Variants in LRP12 observed in about 807,000 individuals in gnomAD.
LRP12 encodes the protein LDL receptor related protein 12.
In LRP12, 14 loss-of-function variants were observed where a neutral mutation model predicts 66.0. The observed-to-expected ratio is 0.21, with a 90% CI of 0.14 to 0.33. The LOEUF is 0.33. LRP12 is among the 10% of genes least tolerant of loss of function. The probability of loss-of-function intolerance (pLI) is 1.00; values close to 1 mark genes in which losing one functional copy is unlikely to be tolerated. For synonymous variants in LRP12, 357 were observed against 359.1 expected, an observed-to-expected ratio of 0.99 and a Z score of 0.07; for missense variants, 889 against 1,053.4, an observed-to-expected ratio of 0.84 and a Z score of 2.16.
Position 104,490,802 on chromosome 8 carries a change from T to C in LRP12, c.2451A>G (p.Val817=), listed in dbSNP as rs765995723. The C allele has an allele frequency of 6.2e-7, 1 of 1,614,158 alleles. No homozygotes were observed. The highest frequency in any genetic ancestry group is 2.2e-5 in the East Asian group (1 of 44,882). The stretch of plus-strand genomic sequence containing the variant: ...AGGGGCCATCTCGATTACTTGGCCT[T>C]ACTCCAGGATTTGTTGCATTATATG... The part of the protein sequence containing the change: ...RQPYNATNPG[V]RPSNRDGPCE... The change falls in exon 7 of 7, where the codon GTA becomes GTG. Residue 817 remains valine (V), a synonymous_variant. Transcript: ENST00000276654.
chr8:104,555,501 T>C (rs1040947832), intron 1 of LRP12, among the ~76,000 whole-genome samples: 1 of 152,042 alleles, frequency 6.6e-6, no homozygotes, highest in African/African-American at 2.4e-5. Flanking sequence ...GCTATTCTTA[T>C]ATCAGACAAC....
At position 104,544,695 on chromosome 8, in the gene LRP12, C is replaced by G. The variant is rs561667254; in HGVS notation, c.80-12732G>C. Among the ~76,000 whole-genome samples the G allele has an allele frequency of 1.5e-4, 23 of 152,228 alleles. No individual in the cohort carries two copies. The South Asian group carries it at 4.8e-3, about 32-fold the overall frequency. ...AAACATCTGTTTACAGCATTGTTTA[C>G]TGAATATTTTAAGCCCACTCTTGAG... is the stretch of plus-strand genomic sequence containing the variant. On this transcript the variant is annotated intron_variant, in intron 1 of 6. Transcript: ENST00000276654.
chr8:104,510,624 C>T lies in LRP12; in HGVS notation c.137-1550G>A, dbSNP rs973854701. 6.6e-5 allele frequency among the ~76,000 whole-genome samples: 10 copies of T among 152,236 alleles called. No individual in the cohort carries two copies. In the South Asian group the frequency reaches 8.3e-4, roughly 13 times the overall value. ...AAATTCTAGAACGTCTTATTTAATA[C>T]AATTTCAACAAATTAGATTACTTGA... is the stretch of plus-strand genomic sequence containing the variant. On this transcript the variant is annotated intron_variant, in intron 2 of 6. Coordinates refer to ENST00000276654, the MANE Select transcript of LRP12 (RefSeq NM_013437.5).
intron 1 of LRP12, among the ~76,000 whole-genome samples, chr8:104,547,821 T>G (rs1158608140): frequency 6.3e-5 from 8 of 126,514 alleles, no homozygotes; most frequent in Non-Finnish European, 9.4e-5. Context: ...TTCTATATAC[T>G]TTGTATATAA....
chr8:104,497,297 G>C lies in LRP12; in HGVS notation c.1255C>G (p.Pro419Ala), dbSNP rs1359884253. The change falls in exon 5 of 7, where the codon CCA becomes GCA. Residue 419 changes from proline to alanine, a missense_variant. This residue lies in a region of LRP12 where 800 missense variants were observed against 964.5 expected (regional missense o/e 0.83). Transcript: ENST00000276654. The surrounding 1 kb of genome is among the most constrained non-coding windows in gnomAD (Gnocchi z 4.3). The part of the protein sequence containing the change: ...NCTMCQKEEF[P>A]CSRNGVCYPR... ...TAACAGACACCATTTCGGGAACATGGAAATTCTTCCTTCTGGCACATGGTA... is the reference window on the plus strand; with the variant it reads ...TAACAGACACCATTTCGGGAACATGCAAATTCTTCCTTCTGGCACATGGTA... 1.2e-6 allele frequency: 2 copies of C among 1,613,994 alleles called. No individual in the cohort carries two copies. Among genetic ancestry groups the C allele is most frequent in the Non-Finnish European group, 1.7e-6 (2 of 1,180,024 alleles).
chr8:104,579,645 A>C (rs1019904828), intron 1 of LRP12, among the ~76,000 whole-genome samples: 2 of 152,200 alleles, frequency 1.3e-5, no homozygotes, highest in Non-Finnish European at 2.9e-5. Flanking sequence ...AAACAGAAGA[A>C]AGCTGAAGAA....
chr8:104,580,637 A>G (rs1387130781), intron 1 of LRP12, among the ~76,000 whole-genome samples: 1 of 152,238 alleles, frequency 6.6e-6, no homozygotes, highest in Admixed American at 6.5e-5. Context: ...GGACATGAAC[A>G]CTTTTCAAAA....
At chr8:104,529,996 G>A (rs1811301671) in intron 2 of LRP12, among the ~76,000 whole-genome samples, 1 of 152,170 alleles carries the variant, frequency 6.6e-6, no homozygotes, top group Admixed American at 6.5e-5. Context: ...AAACAGATAT[G>A]AGAATCTAGC....
intron 1 of LRP12, among the ~76,000 whole-genome samples, chr8:104,584,514 A>G (rs570993702): frequency 2.0e-5 from 3 of 152,120 alleles, no homozygotes; most frequent in Non-Finnish European, 4.4e-5. Context: ...ACTGCTGCTC[A>G]CTTTTCAGGC....
rs1478549152 is a variant in LRP12 at position 104,588,965 on chromosome 8, CGCCGA to C, written c.-73_-69del. On this transcript the variant is annotated 5_prime_UTR_variant, in exon 1 of 7. Transcript: ENST00000276654. ...GGGAGGAGAAGCTGGAGGTAGACGA[CGCCGA>C]CGCCGCCGCCGCCGCCGCCGCCGCC... is the stretch of plus-strand genomic sequence containing the variant. 302 of 782,320 alleles carry C rather than the reference CGCCGA, an allele frequency of 3.9e-4. 8 individuals are homozygous for C. The African/African-American group carries it at 0.013, about 35-fold the overall frequency. 48.5% of individuals were successfully genotyped at this position (782,320 alleles called of 1,614,324 possible).
At chr8:104,519,049 C>G (rs763446786) in intron 2 of LRP12, among the ~76,000 whole-genome samples, 2 of 152,060 alleles carry the variant, frequency 1.3e-5, no homozygotes, top group Non-Finnish European at 2.9e-5. Flanking sequence ...CCATGTATAA[C>G]ATAACTAAGC....
chr8:104,588,752 G>C (rs1812377636), intron 1 of LRP12, 67 bp downstream of exon 1: 2 of 1,439,406 alleles, frequency 1.4e-6, no homozygotes, highest in Non-Finnish European at 1.9e-6. Context: ...CCCCGTCCTG[G>C]AGGCCTCGGG....
intron 6 of LRP12, among the ~76,000 whole-genome samples, chr8:104,491,934 G>T (rs79334400): frequency 1.3e-5 from 2 of 150,816 alleles, no homozygotes; most frequent in African/African-American, 4.9e-5. Flanking sequence ...CATAATTGAC[G>T]AAGTGACCAA....
chr8:104,576,098 C>T (rs1398738786), intron 1 of LRP12, among the ~76,000 whole-genome samples: 1 of 152,056 alleles, frequency 6.6e-6, no homozygotes, highest in African/African-American at 2.4e-5. Flanking sequence ...ACAAACAAAA[C>T]CTCTGAGAAA....
At position 104,490,771 on chromosome 8, in the gene LRP12, G is replaced by A. The variant is rs138849088; in HGVS notation, c.2482C>T (p.Arg828Cys). 5.3e-4 allele frequency: 854 copies of A among 1,614,036 alleles called. No homozygotes were observed. Among genetic ancestry groups the A allele is most frequent in the Non-Finnish European group, 6.8e-4 (804 of 1,180,004 alleles). ...TGGGCAGTGTGGACAATACCACAGC[G>A]CTCACAGGGGCCATCTCGATTACTT... Reference protein sequence around the residue: ...RPSNRDGPCERCGIVHTAQIP... With the variant: ...RPSNRDGPCECCGIVHTAQIP... The change falls in exon 7 of 7, where the codon CGC becomes TGC. Residue 828 changes from arginine (R) to cysteine (C), a missense_variant. Arg to Cys is a radical substitution (Grantham distance 180). Coordinates refer to ENST00000276654, the MANE Select transcript of LRP12 (RefSeq NM_013437.5).
chr8:104,523,113 T>C (rs1041033004), intron 2 of LRP12, among the ~76,000 whole-genome samples: 1 of 152,146 alleles, frequency 6.6e-6, no homozygotes, highest in African/African-American at 2.4e-5. Context: ...AGATATACAG[T>C]TGACCTTTGA....
chr8:104,507,350 T>G (rs1020716583), intron 3 of LRP12: 2 of 152,198 alleles, frequency 1.3e-5, no homozygotes, highest in African/African-American at 2.4e-5. Context: ...ACTTCAATTT[T>G]ATTCTGCATT....
intron 2 of LRP12, among the ~76,000 whole-genome samples, chr8:104,530,814 A>G (rs561011710): frequency 1.2e-3 from 179 of 152,340 alleles, no homozygotes; most frequent in African/African-American, 4.2e-3. Context: ...ATGCAAAGAA[A>G]AAGGGAGAAG....
intron 1 of LRP12, among the ~76,000 whole-genome samples, chr8:104,585,259 C>T (rs887607501): frequency 5.9e-5 from 9 of 152,302 alleles, no homozygotes; most frequent in Non-Finnish European, 1.5e-5. Context: ...CAGAGTTTCA[C>T]TCGTCACCCA....
Sources: allele counts gnomAD v4.1 joint callset (sites outside exome capture counted in the v4.1 genomes callset), GRCh38; gene constraint gnomAD v4.1.1; regional missense constraint gnomAD v4.1.1; non-coding constraint Gnocchi (gnomAD v3.1); transcripts MANE v1.5; gene names NCBI Gene and HGNC (gene_info 2026-07-23, HGNC 2026-07-21).